ICA1: variants seen among roughly 807,000 people sequenced by gnomAD.
ICA1 encodes islet cell autoantigen 1, also known as 69 kDa islet cell autoantigen.
ICA1 carries 40 observed loss-of-function variants against 71.0 expected under a neutral mutation model. That is an observed-to-expected ratio of 0.56 (90% confidence interval 0.44 to 0.73). The LOEUF (loss-of-function observed/expected upper bound fraction) is 0.73, where lower values mean the gene tolerates loss of function less well. Ranked by LOEUF, ICA1 falls within the 30% of genes least tolerant of loss-of-function variation. The pLI is 0.00. For missense variants in ICA1, 578 were observed against 576.5 expected (o/e 1.00, Z -0.03); for synonymous variants, 207 against 209.5 (o/e 0.99, Z 0.10).
intron 8 of ICA1, among the ~76,000 whole-genome samples, chr7:8,150,624 T>A (rs1798471464): frequency 6.6e-6 from 1 of 152,230 alleles, no homozygotes; most frequent in African/African-American, 2.4e-5. Flanking sequence ...CCAGCCAGCA[T>A]GTAGTGACCT....
At chr7:8,180,675 C>T (rs1235480183) in intron 6 of ICA1, among the ~76,000 whole-genome samples, 1 of 152,070 alleles carries the variant, frequency 6.6e-6, no homozygotes, top group East Asian at 1.9e-4. Context: ...TAAATTTTAG[C>T]CATTGGGTGG....
chr7:8,250,905 G>A (rs1166377568), intron 1 of ICA1, among the ~76,000 whole-genome samples: 1 of 152,000 alleles, frequency 6.6e-6, no homozygotes, highest in African/African-American at 2.4e-5. Context: ...TTTTATTAAA[G>A]AAATTTTTTT....
chr7:8,210,200 G>A (rs1443343526), intron 6 of ICA1, among the ~76,000 whole-genome samples: 3 of 152,204 alleles, frequency 2.0e-5, no homozygotes, highest in Admixed American at 6.5e-5. Context: ...GGGATGAGAG[G>A]AGGGAACCAA....
intron 13 of ICA1, among the ~76,000 whole-genome samples, chr7:8,126,687 C>G (rs1357898260): frequency 6.6e-6 from 1 of 151,994 alleles, no homozygotes; most frequent in African/African-American, 2.4e-5. Context: ...GATAAACATG[C>G]TGTTTATTAG....
At chr7:8,138,512 AC>A (rs1440459641) in intron 12 of ICA1, among the ~76,000 whole-genome samples, 1 of 152,234 alleles carries the variant, frequency 6.6e-6, no homozygotes, top group Non-Finnish European at 1.5e-5. Flanking sequence ...CACTTAAAAT[AC>A]AGGCCATTTA....
At chr7:8,218,268 A>G (rs1795986126) in intron 6 of ICA1, 37 bp downstream of exon 6, 1 of 1,569,646 alleles carries the variant, frequency 6.4e-7, no homozygotes, top group African/African-American at 1.3e-5. Flanking sequence ...ACCTTCCAGC[A>G]GGTACCCCTT....
intron 12 of ICA1, among the ~76,000 whole-genome samples, chr7:8,137,147 T>C (rs1177940450): frequency 1.3e-5 from 2 of 151,768 alleles, no homozygotes; most frequent in Non-Finnish European, 2.9e-5. Context: ...GATGGAAGTA[T>C]TAGAATAGGG....
rs111597230 is a variant in ICA1, at chr7:8,241,063, A to G, written c.-79-5058T>C. 7.1e-4 allele frequency among the ~76,000 whole-genome samples: 108 copies of G among 152,314 alleles called. 2 individuals carry two copies. Among genetic ancestry groups the G allele is most frequent in the African/African-American group, 2.5e-3 (106 of 41,574 alleles). The stretch of plus-strand genomic sequence containing the variant: ...ATATTCAAATTCAGGAATTACAGAG[A>G]ACACCACAGAGATACTCCTTGAGAA... On this transcript the variant is annotated intron_variant, in intron 1 of 13. Transcript: ENST00000402384.
intron 5 of ICA1, among the ~76,000 whole-genome samples, chr7:8,219,939 T>C (rs1796540485): frequency 1.3e-5 from 2 of 152,212 alleles, no homozygotes; most frequent in African/African-American, 4.8e-5. Context: ...TATGAAATAT[T>C]TTTTTAGGAA....
intron 3 of ICA1, among the ~76,000 whole-genome samples, chr7:8,230,313 G>C (rs116242685): frequency 0.016 from 2,496 of 152,262 alleles, 65 homozygotes; most frequent in African/African-American, 0.057. Flanking sequence ...CAATATTATA[G>C]CTTGGAACAC....
At chr7:8,153,903 T>TACAAGATCA (rs1562713775) in intron 8 of ICA1, among the ~76,000 whole-genome samples, 1 of 149,662 alleles carries the variant, frequency 6.7e-6, no homozygotes, top group Non-Finnish European at 1.5e-5. Flanking sequence ...TGTGTGAAAA[T>TACAAGATCA]ACAAGATCAG....
At chr7:8,255,379 T>C (rs1363311151) in intron 1 of ICA1, among the ~76,000 whole-genome samples, 1 of 152,206 alleles carries the variant, frequency 6.6e-6, no homozygotes, top group Non-Finnish European at 1.5e-5. Context: ...TTTCAGGAAA[T>C]ATTCTCCACA....
intron 6 of ICA1, among the ~76,000 whole-genome samples, chr7:8,215,245 C>T (rs1441381850): frequency 6.6e-6 from 1 of 152,176 alleles, no homozygotes; most frequent in Non-Finnish European, 1.5e-5. Flanking sequence ...ACACTCACCT[C>T]ACCTTCTGTG....
At chr7:8,250,768 G>C (rs1023255334) in intron 1 of ICA1, among the ~76,000 whole-genome samples, 1 of 152,210 alleles carries the variant, frequency 6.6e-6, no homozygotes. Flanking sequence ...ATATCACCAA[G>C]AGGAAAACAG....
intron 6 of ICA1, among the ~76,000 whole-genome samples, chr7:8,174,011 C>G (rs2128238526): frequency 6.6e-6 from 1 of 152,142 alleles, no homozygotes; most frequent in African/African-American, 2.4e-5. Context: ...GTAGAGGATT[C>G]TGTTTCATAT....
At chr7:8,207,176 G>C (rs1476055506) in intron 6 of ICA1, among the ~76,000 whole-genome samples, 1 of 152,222 alleles carries the variant, frequency 6.6e-6, no homozygotes, top group Non-Finnish European at 1.5e-5. Context: ...CAGCTGGAGA[G>C]AGAATTTTAA....
Position 8,138,856 on chromosome 7 carries a change from C to A in ICA1, c.1044G>T (p.Met348Ile). The stretch of plus-strand genomic sequence containing the variant: ...AAATCTTACCACCTTCCTCAGATTT[C>A]ATGTCTAATAGTTCATCTATGGGTC... ...CSGPIDELLDMKSEEGACLGP... is the reference protein window; with the variant it reads ...CSGPIDELLDIKSEEGACLGP... The change falls in exon 12 of 14, where the codon ATG (methionine) becomes ATT (isoleucine). Residue 348 changes from methionine to isoleucine, a missense_variant. Transcript: ENST00000402384. The A allele has an allele frequency of 2.5e-6, 4 of 1,605,462 alleles. No individual in the cohort carries two copies. The highest frequency in any genetic ancestry group is 3.4e-6 in the Non-Finnish European group (4 of 1,173,084).
intron 8 of ICA1, among the ~76,000 whole-genome samples, chr7:8,145,955 G>A (rs531783671): frequency 1.3e-3 from 194 of 152,156 alleles, no homozygotes; most frequent in African/African-American, 4.6e-3. Flanking sequence ...GTGGAACCCA[G>A]GTCTTCTCTG....
chr7:8,247,717 A>G (rs1011349774), intron 1 of ICA1, among the ~76,000 whole-genome samples: 2 of 152,198 alleles, frequency 1.3e-5, no homozygotes, highest in African/African-American at 2.4e-5. Flanking sequence ...TTCATTCCAC[A>G]TAAGCTGGCT....
Sources: allele counts gnomAD v4.1 joint callset (sites outside exome capture counted in the v4.1 genomes callset), GRCh38; gene constraint gnomAD v4.1.1; transcripts MANE v1.5; gene names NCBI Gene and HGNC (gene_info 2026-07-23, HGNC 2026-07-21).